P2RX4: variants seen among roughly 807,000 people sequenced by gnomAD.
P2RX4 encodes purinergic receptor P2X 4.
Under a neutral mutation model 48.0 loss-of-function variants are expected in P2RX4, and 37 were observed. That is an observed-to-expected ratio of 0.77 (90% confidence interval 0.59 to 1.01). The LOEUF (loss-of-function observed/expected upper bound fraction) is 1.01. P2RX4 is among the 50% of genes least tolerant of loss of function. The probability of loss-of-function intolerance (pLI) is 0.00; values close to 1 mark genes in which losing one functional copy is unlikely to be tolerated. For missense variants in P2RX4, 501 were observed against 521.4 expected, an observed-to-expected ratio of 0.96 and a Z score of 0.38; for synonymous variants, 200 against 199.7, an observed-to-expected ratio of 1.00 and a Z score of -0.01.
Position 121,232,648 on chromosome 12 carries a change from T to C in P2RX4, c.1016T>C (p.Ile339Thr). Residue 339 changes from isoleucine (I) to threonine (T), a missense_variant, in exon 10 of 12, where the codon ATC (isoleucine) becomes ACC (threonine). Ile to Thr is a moderately conservative substitution (Grantham distance 89). Coordinates refer to ENST00000337233, the MANE Select transcript of P2RX4 (RefSeq NM_002560.3). The surrounding 1 kb of genome is among the most constrained non-coding windows in gnomAD (Gnocchi z 4.3). ...KFDIIPTMIN[I>T]GSGLALLGMA... is the part of the protein sequence containing the mutation. ...GACATCATCCCCACTATGATCAACATCGGCTCTGGCCTGGCACTGCTAGGC... is the reference window on the plus strand; with the variant it reads ...GACATCATCCCCACTATGATCAACACCGGCTCTGGCCTGGCACTGCTAGGC... The C allele has an allele frequency of 6.2e-7, 1 of 1,614,062 alleles. No individual in the cohort carries two copies. Among genetic ancestry groups the C allele is most frequent in the African/African-American group, 1.3e-5 (1 of 75,046 alleles).
At chr12:121,222,821 A>C in intron 4 of P2RX4, 126 bp from the exon 5 acceptor site, 2 of 1,483,790 alleles carry the variant, frequency 1.3e-6, no homozygotes, top group Non-Finnish European at 1.8e-6. Flanking sequence ...TCTAAATCCC[A>C]GATTTGCACA....
At chr12:121,219,795 T>C (rs551395182) in intron 2 of P2RX4, among the ~76,000 whole-genome samples, 2 of 151,958 alleles carry the variant, frequency 1.3e-5, no homozygotes, top group African/African-American at 4.8e-5. Context: ...AGATAATCGA[T>C]AAATAGAAAA....
rs748147011 is a variant in P2RX4 at position 121,232,930 on chromosome 12, G to A, written c.1045-67G>A. On this transcript the variant is annotated intron_variant, in intron 10 of 11. Coordinates refer to ENST00000337233, the MANE Select transcript of P2RX4 (RefSeq NM_002560.3). The surrounding 1 kb of genome is among the most constrained non-coding windows in gnomAD (Gnocchi z 4.3). Reference sequence around the variant, plus strand: ...TTCCAGGCTTCTCAGGAAGGGGCACGCAAAGAATAAGATGGGTTGATGGGT... The same window carrying A: ...TTCCAGGCTTCTCAGGAAGGGGCACACAAAGAATAAGATGGGTTGATGGGT... 102 of 1,125,534 alleles carry A rather than the reference G, an allele frequency of 9.1e-5. No homozygotes were observed. The Admixed American group carries it at 1.0e-3, about 11-fold the overall frequency. 69.7% of individuals were successfully genotyped at this position (1,125,534 alleles called of 1,614,324 possible). A position where few individuals can be genotyped will look rare whatever the true frequency, so the allele number is the denominator to read the frequency against.
At position 121,229,050 on chromosome 12, in the gene P2RX4, C is replaced by T; in HGVS notation, c.835C>T (p.Leu279Phe). 1 of 1,614,152 alleles carries T rather than the reference C, an allele frequency of 6.2e-7. No individual in the cohort carries two copies. Among genetic ancestry groups the T allele is most frequent in the Non-Finnish European group, 8.5e-7 (1 of 1,180,024 alleles). Reference protein sequence around the residue: ...LCLPRYSFRRLDTRDVEHNVS... With the variant: ...LCLPRYSFRRFDTRDVEHNVS... ...CTTGCCCAGGTACTCCTTCCGCCGC[C>T]TCGATACACGGGACGTTGAGCACAA... Residue 279 changes from leucine to phenylalanine, a missense_variant, in exon 8 of 12, where the codon CTC becomes TTC. Coordinates refer to ENST00000337233, the MANE Select transcript of P2RX4 (RefSeq NM_002560.3). The surrounding 1 kb of genome is among the most constrained non-coding windows in gnomAD (Gnocchi z 4.6).
rs773707181 is a variant in P2RX4, at chr12:121,232,553, A to G, written c.978+46A>G. 1.5e-5 allele frequency: 24 copies of G among 1,600,520 alleles called. No individual in the cohort carries two copies. The highest frequency in any genetic ancestry group is 2.0e-5 in the Non-Finnish European group (23 of 1,167,610). On this transcript the variant is annotated intron_variant, in intron 9 of 11. Transcript: ENST00000337233. The surrounding 1 kb of genome is among the most constrained non-coding windows in gnomAD (Gnocchi z 4.3). ...CCCCTCCGTCACTCCCTGCAGGGACAAGGGGCCTCTCCCTGCCCCTGCAGA... is the reference window on the plus strand; with the variant it reads ...CCCCTCCGTCACTCCCTGCAGGGACGAGGGGCCTCTCCCTGCCCCTGCAGA...
At chr12:121,212,811 TATA>T (rs1885956627) in intron 1 of P2RX4, 3 of 35,292 alleles carry the variant, frequency 8.5e-5, no homozygotes, top group Non-Finnish European at 1.1e-4. Context: ...TATATATATA[TATA>T]TATATATATA....
intron 4 of P2RX4, chr12:121,222,736 A>C: frequency 6.7e-7 from 1 of 1,503,506 alleles, no homozygotes; most frequent in African/African-American, 1.4e-5. Context: ...TTAGCTTGGC[A>C]TCACCCTGGC....
At chr12:121,214,740 G>A (rs1276088645) in intron 1 of P2RX4, 1 of 152,228 alleles carries the variant, frequency 6.6e-6, no homozygotes, top group Non-Finnish European at 1.5e-5. Context: ...TGAACTTGGA[G>A]ACTGCTCGAT....
chr12:121,210,449 G>A, intron 1 of P2RX4, 151 bp downstream of exon 1: 1 of 709,056 alleles, frequency 1.4e-6, no homozygotes, highest in Admixed American at 4.5e-5. Flanking sequence ...GCCGCGCCGG[G>A]GCCCCGGGGG....
chr12:121,222,378 TG>T, intron 4 of P2RX4: 6 of 563,346 alleles, frequency 1.1e-5, no homozygotes, highest in Non-Finnish European at 1.9e-5. Context: ...TTTTTTTTGT[TG>T]TTGTTGTTGT....
rs369938050 is a variant in P2RX4, at chr12:121,217,171, G to C, written c.172G>C (p.Asp58His). The C allele has an allele frequency of 8.1e-6, 13 of 1,614,060 alleles. No homozygotes were observed. Among genetic ancestry groups the C allele is most frequent in the Non-Finnish European group, 1.1e-5 (13 of 1,180,028 alleles). The change falls in exon 2 of 12, where the codon GAC becomes CAC. Residue 58 changes from aspartate (D) to histidine (H), a missense_variant. By Grantham distance (81) the Asp-to-His change is moderately conservative. Around this residue, in one of 3 missense-constraint regions of P2RX4, gnomAD observed 295 missense variants for 275.3 expected, o/e 1.07. Coordinates refer to ENST00000337233, the MANE Select transcript of P2RX4 (RefSeq NM_002560.3). ...GTGGGAAAAGGGCTACCAGGAAACT[G>C]ACTCCGTGGTCAGCTCCGTTACGAC... ...FVWEKGYQET[D>H]SVVSSVTTKV... is the part of the protein sequence containing the mutation.
At chr12:121,233,455 G>A (rs1439812281) in intron 11 of P2RX4, 68 bp from the exon 12 acceptor site, 23 of 1,530,886 alleles carry the variant, frequency 1.5e-5, no homozygotes, top group Middle Eastern at 1.7e-4. Context: ...TCCCAGGAGC[G>A]CACCTCCCTC....
rs61216528 is a variant in P2RX4 at position 121,223,713 on chromosome 12, G to T, written c.524+670G>T. Among the ~76,000 whole-genome samples, 6 of 152,150 alleles carry T rather than the reference G, an allele frequency of 3.9e-5. 1 individual carries two copies. Among genetic ancestry groups the T allele is most frequent in the African/African-American group, 9.6e-5 (4 of 41,494 alleles). On this transcript the variant is annotated intron_variant, in intron 5 of 11. Coordinates refer to ENST00000337233, the MANE Select transcript of P2RX4 (RefSeq NM_002560.3). Reference sequence around the variant, plus strand: ...ACACACATACACATGCGTGCACAGCGGGGGGGCAGTGTATTGTCCGGCTGA... The same window carrying T: ...ACACACATACACATGCGTGCACAGCTGGGGGGCAGTGTATTGTCCGGCTGA...
chr12:121,217,384 A>T (rs912795245), intron 2 of P2RX4, 103 bp downstream of exon 2: 2 of 1,115,114 alleles, frequency 1.8e-6, no homozygotes, highest in Non-Finnish European at 2.7e-6. Context: ...TGACATCACC[A>T]ATGCCCAGAA....
Position 121,233,797 on chromosome 12 carries a change from C to G in P2RX4, c.*248C>G, listed in dbSNP as rs897289185. The G allele has an allele frequency of 1.2e-6, 1 of 847,378 alleles. No homozygotes were observed. The allele number at this position is 847,378 out of a possible 1,614,324, so 52.5% of individuals were successfully genotyped here. A position where few individuals can be genotyped will look rare whatever the true frequency, so the allele number is the denominator to read the frequency against. ...TGCTTTTCCCGCAACCTGGGGTTGT[C>G]GGGGGAGCGCTGGCCCGACGCAGTG... On this transcript the variant is annotated 3_prime_UTR_variant, in exon 12 of 12. Coordinates refer to ENST00000337233, the MANE Select transcript of P2RX4 (RefSeq NM_002560.3).
At position 121,229,322 on chromosome 12, in the gene P2RX4, G is replaced by C. The variant is rs1330826923; in HGVS notation, c.884+223G>C. Among the ~76,000 whole-genome samples, 1 of 152,062 alleles carries C rather than the reference G, an allele frequency of 6.6e-6. No homozygotes were observed. Among genetic ancestry groups the C allele is most frequent in the African/African-American group, 2.4e-5 (1 of 41,430 alleles). On this transcript the variant is annotated intron_variant, in intron 8 of 11. Coordinates refer to ENST00000337233, the MANE Select transcript of P2RX4 (RefSeq NM_002560.3). The surrounding 1 kb of genome is among the most constrained non-coding windows in gnomAD (Gnocchi z 4.6). ...CCGAGACCCCTCCTTGCCCTTTCCTGCCGCAAGAAACATGTTGAGATGGTT... is the reference window on the plus strand; with the variant it reads ...CCGAGACCCCTCCTTGCCCTTTCCTCCCGCAAGAAACATGTTGAGATGGTT...
intron 1 of P2RX4, chr12:121,215,063 G>C (rs1305167765): frequency 6.6e-6 from 1 of 152,144 alleles, no homozygotes; most frequent in African/African-American, 2.4e-5. Flanking sequence ...CTAGGACTTA[G>C]AAGAAGGAGA....
rs770969400 is a variant in P2RX4 at position 121,222,012 on chromosome 12, G to A, written c.354+28G>A. ...AGGAGGCCCCCGGGAAGAGCCCCAG[G>A]CCCCACACCCCTCTCCACGCCTGTC... On this transcript the variant is annotated intron_variant, in intron 3 of 11. Transcript: ENST00000337233. 3.1e-6 allele frequency: 5 copies of A among 1,607,314 alleles called. No individual in the cohort carries two copies. The South Asian group carries it at 3.3e-5, about 11-fold the overall frequency.
chr12:121,224,292 C>T (rs1023776449), intron 5 of P2RX4, among the ~76,000 whole-genome samples: 4 of 152,082 alleles, frequency 2.6e-5, no homozygotes, highest in Admixed American at 6.6e-5. Flanking sequence ...ATGTTTGCTA[C>T]AGTGTATTTT....
Sources: allele counts gnomAD v4.1 joint callset (sites outside exome capture counted in the v4.1 genomes callset), GRCh38; gene constraint gnomAD v4.1.1; regional missense constraint gnomAD v4.1.1; non-coding constraint Gnocchi (gnomAD v3.1); transcripts MANE v1.5; gene names NCBI Gene and HGNC (gene_info 2026-07-23, HGNC 2026-07-21).